The following PDE7A variants were observed in gnomAD, a reference collection of about 807,000 sequenced individuals.
PDE7A encodes phosphodiesterase 7A.
In PDE7A, 39 loss-of-function variants were observed where a neutral mutation model predicts 64.3. The ratio of observed to expected loss-of-function variants is 0.61; its 90% CI spans 0.47 to 0.79. The LOEUF (loss-of-function observed/expected upper bound fraction) is 0.79, where lower values mean the gene tolerates loss of function less well. Ranked by LOEUF, PDE7A falls within the 30% of genes least tolerant of loss-of-function variation. The pLI is 0.00. For missense variants in PDE7A, 470 were observed against 582.8 expected (o/e 0.81, Z 1.99); for synonymous variants, 203 against 206.8 (o/e 0.98, Z 0.16).
chr8:65,809,542 AACTACCATC>A (rs1810195847), intron 1 of PDE7A, among the ~76,000 whole-genome samples: 1 of 152,246 alleles, frequency 6.6e-6, no homozygotes, highest in Non-Finnish European at 1.5e-5. Flanking sequence ...CTGTAAAAGA[AACTACCATC>A]AGAGTGAACA....
chr8:65,828,888 T>C (rs1388930588), intron 1 of PDE7A, among the ~76,000 whole-genome samples: 3 of 152,108 alleles, frequency 2.0e-5, no homozygotes, highest in Non-Finnish European at 4.4e-5. Context: ...TTGGAACTGC[T>C]TGAGACTTTT....
At chr8:65,759,873 G>A (rs1030235893) in intron 3 of PDE7A, among the ~76,000 whole-genome samples, 6 of 151,810 alleles carry the variant, frequency 4.0e-5, no homozygotes, top group Non-Finnish European at 8.8e-5. Flanking sequence ...TTTTTTTTAA[G>A]AATTATTTTC....
rs555218647 is a variant in PDE7A at position 65,736,910 on chromosome 8, T to C, written c.596-2016A>G. On this transcript the variant is annotated intron_variant, in intron 6 of 12. Coordinates refer to ENST00000401827, the MANE Select transcript of PDE7A (RefSeq NM_001242318.3). Reference sequence around the variant, plus strand: ...AGGCTTTTTTTTTTTTGAGATGGAGTCTCGCCCTGCTGCCCAGGCTGGAGT... The same window carrying C: ...AGGCTTTTTTTTTTTTGAGATGGAGCCTCGCCCTGCTGCCCAGGCTGGAGT... Among the ~76,000 whole-genome samples, 54 of 145,714 alleles carry C rather than the reference T, an allele frequency of 3.7e-4. No individual in the cohort carries two copies. The East Asian group carries it at 0.011, about 29-fold the overall frequency.
intron 5 of PDE7A, among the ~76,000 whole-genome samples, chr8:65,743,864 G>A (rs1421468492): frequency 4.0e-5 from 6 of 150,030 alleles, no homozygotes; most frequent in East Asian, 1.9e-4. Flanking sequence ...AGACAGTCTC[G>A]CTCTATTGCC....
chr8:65,807,252 T>A (rs1810134029), intron 1 of PDE7A, among the ~76,000 whole-genome samples: 1 of 152,232 alleles, frequency 6.6e-6, no homozygotes. Context: ...TTGCACTCCC[T>A]TTGTTAAATT....
chr8:65,839,020 T>C (rs188458941), intron 1 of PDE7A, among the ~76,000 whole-genome samples: 146 of 152,332 alleles, frequency 9.6e-4, no homozygotes, highest in African/African-American at 3.4e-3. Flanking sequence ...TCATGCTCCA[T>C]ATTGTTTTCA....
chr8:65,824,049 T>C (rs908339170), intron 1 of PDE7A, among the ~76,000 whole-genome samples: 6 of 152,238 alleles, frequency 3.9e-5, no homozygotes, highest in African/African-American at 9.6e-5. Flanking sequence ...CCTTGCTTTA[T>C]TGTGCTTTTC....
chr8:65,765,265 G>A (rs1016327021), intron 3 of PDE7A, among the ~76,000 whole-genome samples: 11 of 151,636 alleles, frequency 7.3e-5, no homozygotes, highest in South Asian at 2.1e-4. Context: ...CGAGGCGGGC[G>A]GATCACGAGG....
chr8:65,809,391 AG>A (rs141048702), intron 1 of PDE7A, among the ~76,000 whole-genome samples: 8,680 of 152,282 alleles, frequency 0.057, 354 homozygotes, highest in Middle Eastern at 0.11. Flanking sequence ...ATCAAAAAAA[AG>A]TTTTAAAAAT....
intron 1 of PDE7A, among the ~76,000 whole-genome samples, chr8:65,832,013 C>T (rs931761265): frequency 4.6e-5 from 7 of 152,054 alleles, no homozygotes; most frequent in South Asian, 2.1e-4. Flanking sequence ...TTTTTTGGCA[C>T]GCATGCATGG....
chr8:65,817,864 T>G (rs1810451318), intron 1 of PDE7A, among the ~76,000 whole-genome samples: 1 of 151,172 alleles, frequency 6.6e-6, no homozygotes, highest in South Asian at 2.1e-4. Flanking sequence ...GCCATTCTCC[T>G]GCCTCAGCCT....
chr8:65,826,663 G>T (rs1231711974), intron 1 of PDE7A, among the ~76,000 whole-genome samples: 1 of 152,166 alleles, frequency 6.6e-6, no homozygotes, highest in South Asian at 2.1e-4. Flanking sequence ...AAATTTGATT[G>T]AAAGAATGAA....
intron 1 of PDE7A, among the ~76,000 whole-genome samples, chr8:65,803,432 C>T (rs1179736754): frequency 1.3e-5 from 2 of 152,172 alleles, no homozygotes; most frequent in Non-Finnish European, 2.9e-5. Context: ...TGGTACTCAA[C>T]GTAATAGTCA....
At chr8:65,736,651 T>C (rs1807140185) in intron 6 of PDE7A, among the ~76,000 whole-genome samples, 1 of 151,712 alleles carries the variant, frequency 6.6e-6, no homozygotes, top group Admixed American at 6.6e-5. Flanking sequence ...CTCGGGAGGC[T>C]GAGGTGGGAG....
At chr8:65,821,445 C>T (rs929950482) in intron 1 of PDE7A, among the ~76,000 whole-genome samples, 11 of 152,180 alleles carry the variant, frequency 7.2e-5, no homozygotes, top group Admixed American at 3.9e-4. Context: ...CTTTGCCATC[C>T]TCTCATATTT....
intron 1 of PDE7A, among the ~76,000 whole-genome samples, chr8:65,826,250 C>T (rs984368333): frequency 6.6e-6 from 1 of 152,194 alleles, no homozygotes; most frequent in African/African-American, 2.4e-5. Context: ...TAGACTGACA[C>T]AATCTTACTG....
At chr8:65,769,635 C>A (rs550259020) in intron 3 of PDE7A, among the ~76,000 whole-genome samples, 1 of 152,312 alleles carries the variant, frequency 6.6e-6, no homozygotes, top group South Asian at 2.1e-4. Flanking sequence ...GTAGCTCATA[C>A]CTGTAATCCC....
At chr8:65,794,958 G>T (rs1809799164) in intron 1 of PDE7A, among the ~76,000 whole-genome samples, 1 of 152,216 alleles carries the variant, frequency 6.6e-6, no homozygotes, top group South Asian at 2.1e-4. Flanking sequence ...CCTTAAAAAT[G>T]ATGAATAAGA....
At chr8:65,819,641 T>C (rs977739211) in intron 1 of PDE7A, among the ~76,000 whole-genome samples, 1 of 152,222 alleles carries the variant, frequency 6.6e-6, no homozygotes, top group Non-Finnish European at 1.5e-5. Flanking sequence ...TACATAATCC[T>C]TAAAAGTTAA....
Sources: allele counts gnomAD v4.1 joint callset (sites outside exome capture counted in the v4.1 genomes callset), GRCh38; gene constraint gnomAD v4.1.1; transcripts MANE v1.5; gene names NCBI Gene and HGNC (gene_info 2026-07-23, HGNC 2026-07-21).